Variants in POT1 observed in about 807,000 individuals in gnomAD.
POT1 encodes the protein protection of telomeres protein 1.
POT1 carries 47 observed loss-of-function variants against 78.5 expected under a neutral mutation model. The observed-to-expected ratio is 0.60, with a 90% CI of 0.47 to 0.76. The LOEUF (loss-of-function observed/expected upper bound fraction) is 0.76. POT1 is among the 30% of genes least tolerant of loss of function. The pLI is 0.00. For missense variants in POT1, 646 were observed against 749.9 expected (o/e 0.86, Z 1.62); for synonymous variants, 259 against 260.7 (o/e 0.99, Z 0.06).
In POT1 at chr7:124,835,247, A is replaced by G. The variant is rs746950676; in HGVS notation, c.1505+32T>C. 1.8e-5 allele frequency: 11 copies of G among 600,864 alleles called. No individual in the cohort carries two copies. The Admixed American group carries it at 5.9e-4, about 32-fold the overall frequency. The allele number at this position is 600,864 out of a possible 1,614,324, so 37.2% of individuals were successfully genotyped here. A position where few individuals can be genotyped will look rare whatever the true frequency, so the allele number is the denominator to read the frequency against. On this transcript the variant is annotated intron_variant, in intron 15 of 18. Transcript: ENST00000357628. ...CCCAGAACTTAAAAGTATAATAAAC[A>G]AAACAAAACAAAACAAAACAAAACA...
chr7:124,914,614 A>G (rs897733177), intron 3 of POT1, among the ~76,000 whole-genome samples: 2 of 152,218 alleles, frequency 1.3e-5, no homozygotes, highest in Admixed American at 6.5e-5. Flanking sequence ...TTCAGAAAAA[A>G]TGTTTTTTAA....
At chr7:124,852,763 T>C (rs1460456266) in intron 10 of POT1, among the ~76,000 whole-genome samples, 1 of 152,090 alleles carries the variant, frequency 6.6e-6, no homozygotes, top group South Asian at 2.1e-4. Flanking sequence ...TTCAAACTGT[T>C]GGAAAACTTC....
chr7:124,862,672 C>A (rs1795625717), intron 8 of POT1, among the ~76,000 whole-genome samples: 1 of 151,966 alleles, frequency 6.6e-6, no homozygotes, highest in African/African-American at 2.4e-5. Flanking sequence ...CATTTCTTGC[C>A]CTATTATTCC....
At chr7:124,878,046 G>A (rs1049502663) in intron 6 of POT1, among the ~76,000 whole-genome samples, 1 of 151,808 alleles carries the variant, frequency 6.6e-6, no homozygotes, top group Non-Finnish European at 1.5e-5. Flanking sequence ...ATGGGGAGAT[G>A]CTGGCCAGGC....
intron 6 of POT1, among the ~76,000 whole-genome samples, chr7:124,875,938 G>A (rs1045393727): frequency 6.6e-6 from 1 of 152,188 alleles, no homozygotes; most frequent in South Asian, 2.1e-4. Flanking sequence ...CATGGAAGTG[G>A]ATATGCAGTA....
rs756511762 is a variant in POT1, at chr7:124,835,334, C to T, written c.1450G>A (p.Glu484Lys). The change falls in exon 15 of 19, where the codon GAA (glutamate) becomes AAA (lysine). Residue 484 changes from glutamate to lysine, a missense_variant. Physicochemically the swap from Glu to Lys is moderately conservative, Grantham distance 56. Coordinates refer to ENST00000357628, the MANE Select transcript of POT1 (RefSeq NM_015450.3). ...IPVRSGHEDLELLDLSAPFLI... is the reference protein window; with the variant it reads ...IPVRSGHEDLKLLDLSAPFLI... ...AATGGTGCTGAAAGGTCCAAAAGTT[C>T]CAGGTCTTCGTGGCCAGATCTCACA... 1.2e-6 allele frequency: 2 copies of T among 1,614,058 alleles called. No homozygotes were observed. Among genetic ancestry groups the T allele is most frequent in the Non-Finnish European group, 1.7e-6 (2 of 1,179,992 alleles).
chr7:124,888,376 C>T (rs893340818), intron 6 of POT1, among the ~76,000 whole-genome samples: 2 of 151,970 alleles, frequency 1.3e-5, no homozygotes, highest in African/African-American at 2.4e-5. Flanking sequence ...TACTTTTTAA[C>T]GTATTTTGAA....
chr7:124,919,214 C>T (rs1186271098), intron 2 of POT1, among the ~76,000 whole-genome samples: 1 of 151,846 alleles, frequency 6.6e-6, no homozygotes, highest in East Asian at 1.9e-4. Context: ...ATATAAAAAC[C>T]TAGAAAAGGT....
intron 6 of POT1, among the ~76,000 whole-genome samples, chr7:124,880,471 T>C (rs984693884): frequency 1.3e-5 from 2 of 152,112 alleles, no homozygotes; most frequent in Admixed American, 6.5e-5. Context: ...AGTTTAATGT[T>C]AGCCAAGATG....
intron 3 of POT1, among the ~76,000 whole-genome samples, chr7:124,915,283 G>T (rs1461255062): frequency 6.6e-6 from 1 of 152,106 alleles, no homozygotes; most frequent in Admixed American, 6.5e-5. Context: ...GATTACTTGA[G>T]GGCTATATGG....
intron 14 of POT1, among the ~76,000 whole-genome samples, chr7:124,837,915 T>A (rs1427925899): frequency 6.6e-6 from 1 of 152,198 alleles, no homozygotes; most frequent in African/African-American, 2.4e-5. Context: ...TCAATTAATG[T>A]AATTTATCAC....
At chr7:124,840,900 T>C in intron 14 of POT1, 73 bp downstream of exon 14, 3 of 1,226,928 alleles carry the variant, frequency 2.4e-6, no homozygotes, top group African/African-American at 3.0e-5. Flanking sequence ...CTGTAAAATG[T>C]ATTAAACAAT....
At chr7:124,833,533 C>G (rs980138925) in intron 15 of POT1, among the ~76,000 whole-genome samples, 2 of 152,242 alleles carry the variant, frequency 1.3e-5, no homozygotes, top group Admixed American at 6.5e-5. Context: ...CCCCCTCCTT[C>G]TAAATGTAGA....
chr7:124,897,866 G>A (rs1796530510), intron 4 of POT1, among the ~76,000 whole-genome samples: 1 of 151,932 alleles, frequency 6.6e-6, no homozygotes, highest in Admixed American at 6.6e-5. Flanking sequence ...AAGAGGAAAG[G>A]AGAGGAAGGC....
chr7:124,886,378 G>A (rs2116613792), intron 6 of POT1, among the ~76,000 whole-genome samples: 1 of 152,186 alleles, frequency 6.6e-6, no homozygotes, highest in Non-Finnish European at 1.5e-5. Flanking sequence ...GCTGTGGACT[G>A]TTCCTGTACA....
At chr7:124,871,583 C>T (rs1401836584) in intron 6 of POT1, among the ~76,000 whole-genome samples, 1 of 151,954 alleles carries the variant, frequency 6.6e-6, no homozygotes, top group South Asian at 2.1e-4. Context: ...GTAATTCTTG[C>T]TAGTCACCTA....
At chr7:124,915,703 C>G (rs1796999910) in intron 2 of POT1, 57 bp from the exon 3 acceptor site, 1 of 151,674 alleles carries the variant, frequency 6.6e-6, no homozygotes, top group Non-Finnish European at 1.5e-5. Context: ...TATAATAAAA[C>G]CAAGATAGAA....
chr7:124,840,830 C>CAT (rs1795008357), intron 14 of POT1, 143 bp downstream of exon 14: 8 of 573,300 alleles, frequency 1.4e-5, no homozygotes, highest in Non-Finnish European at 2.4e-5. Flanking sequence ...ACCTAGTTAA[C>CAT]ATATATATTC....
intron 6 of POT1, among the ~76,000 whole-genome samples, chr7:124,883,047 G>A (rs181976821): frequency 2.6e-4 from 39 of 152,034 alleles, no homozygotes; most frequent in African/African-American, 8.7e-4. Context: ...CTTTAAAGAG[G>A]TAAGTGATAA....
Sources: allele counts gnomAD v4.1 joint callset (sites outside exome capture counted in the v4.1 genomes callset), GRCh38; gene constraint gnomAD v4.1.1; transcripts MANE v1.5; gene names NCBI Gene and HGNC (gene_info 2026-07-23, HGNC 2026-07-21).